PREX1: variants seen among roughly 807,000 people sequenced by gnomAD.
PREX1 encodes phosphatidylinositol 3,4,5-trisphosphate-dependent Rac exchanger 1 protein.
Under a neutral mutation model 198.3 loss-of-function variants are expected in PREX1, and 41 were observed. The observed-to-expected ratio is 0.21, with a 90% CI of 0.16 to 0.27. The LOEUF (loss-of-function observed/expected upper bound fraction) is 0.27. Among genes scored for constraint, PREX1 ranks in the 10% least tolerant of loss-of-function variants. PREX1 has a pLI of 1.00. For synonymous variants in PREX1, 843 were observed against 887.2 expected (o/e 0.95, Z 0.89); for missense variants, 1,620 against 2,200.7 (o/e 0.74, Z 5.28).
rs1225369937 is a variant in PREX1, at chr20:48,653,386, A to G, written c.2321T>C (p.Phe774Ser). 6.2e-7 allele frequency: 1 copy of G among 1,613,706 alleles called. No individual in the cohort carries two copies. The highest frequency in any genetic ancestry group is 8.5e-7 in the Non-Finnish European group (1 of 1,179,782). The change falls in exon 20 of 40, where the codon TTC (phenylalanine) becomes TCC (serine). Residue 774 changes from phenylalanine to serine, a missense_variant. Coordinates refer to ENST00000371941, the MANE Select transcript of PREX1 (RefSeq NM_020820.4). Reference protein sequence around the residue: ...APEVLEHFQAFRSRREEALGL... With the variant: ...APEVLEHFQASRSRREEALGL... ...CAGGGCCTCTTCGCGCCGACTCCGG[A>G]ATGCCTGGAAGTGCTCCAGGACCTC...
intron 1 of PREX1, among the ~76,000 whole-genome samples, chr20:48,757,294 C>T (rs532353938): frequency 5.7e-4 from 87 of 152,344 alleles, no homozygotes; most frequent in African/African-American, 1.9e-3. Context: ...GTGTCCCCTA[C>T]AAAGTCAGTC....
At chr20:48,668,777 G>A (rs1212249536) in intron 14 of PREX1, among the ~76,000 whole-genome samples, 4 of 152,210 alleles carry the variant, frequency 2.6e-5, no homozygotes, top group Non-Finnish European at 5.9e-5. Flanking sequence ...CAGGGGTGGT[G>A]GCTATGAGAG....
At chr20:48,626,288 T>C (rs1278179566) in intron 39 of PREX1, among the ~76,000 whole-genome samples, 1 of 152,166 alleles carries the variant, frequency 6.6e-6, no homozygotes, top group Non-Finnish European at 1.5e-5. Context: ...AAACTCTATA[T>C]GCAGAGATGG....
chr20:48,755,639 G>C (rs780783693), intron 1 of PREX1, among the ~76,000 whole-genome samples: 2 of 152,208 alleles, frequency 1.3e-5, no homozygotes, highest in African/African-American at 2.4e-5. Context: ...GGGGAAAACA[G>C]AGCAGCATTC....
chr20:48,809,429 C>T (rs753076182), intron 1 of PREX1, among the ~76,000 whole-genome samples: 1 of 152,226 alleles, frequency 6.6e-6, no homozygotes, highest in South Asian at 2.1e-4. Context: ...ACTCCTCCCC[C>T]ACTACCATGT....
rs1212386751 is a variant in PREX1, at chr20:48,639,907, A to T, written c.3776-13T>A. 1 of 1,613,724 alleles carries T rather than the reference A, an allele frequency of 6.2e-7. No homozygotes were observed. Among genetic ancestry groups the T allele is most frequent in the Non-Finnish European group, 8.5e-7 (1 of 1,179,726 alleles). On this transcript the variant is annotated splice_polypyrimidine_tract_variant and intron_variant, in intron 29 of 39. Transcript: ENST00000371941. ...TTCTGTTTAAACTCTGGGGCAGGAA[A>T]GTGGCATGAGGGCCAGGGAAGGGAC...
At chr20:48,869,301 G>C in the PREX1 span, among the ~76,000 whole-genome samples, 1 of 67,572 alleles carries the variant, frequency 1.5e-5, no homozygotes, top group South Asian at 4.7e-4. Flanking sequence ...TGTTTTTGTT[G>C]TTTTGTTTTT....
At chr20:48,810,894 A>AT (rs1568650428) in intron 1 of PREX1, among the ~76,000 whole-genome samples, 3 of 152,106 alleles carry the variant, frequency 2.0e-5, no homozygotes, top group Non-Finnish European at 4.4e-5. Flanking sequence ...CCTCAAAAAA[A>AT]AAATAATAAT....
intron 4 of PREX1, among the ~76,000 whole-genome samples, chr20:48,727,690 T>C (rs973182723): frequency 2.0e-5 from 3 of 152,118 alleles, no homozygotes; most frequent in African/African-American, 7.2e-5. Flanking sequence ...CCAGGCGGGT[T>C]GACACCGAGT....
Position 48,708,282 on chromosome 20 carries a change from T to C in PREX1, c.761A>G (p.Gln254Arg), listed in dbSNP as rs1222249899. ...CACCTCCCAGCCTTCGATGTGGGACTGCAGCTGCTCCAGGGCTTCCAGCTT... is the reference window on the plus strand; with the variant it reads ...CACCTCCCAGCCTTCGATGTGGGACCGCAGCTGCTCCAGGGCTTCCAGCTT... ...MEKLEALEQLQSHIEGWEGSN... is the reference protein window; with the variant it reads ...MEKLEALEQLRSHIEGWEGSN... Residue 254 changes from glutamine (Q) to arginine (R), a missense_variant, in exon 6 of 40, where the codon CAG (glutamine) becomes CGG (arginine). Transcript: ENST00000371941. 1 of 1,613,960 alleles carries C rather than the reference T, an allele frequency of 6.2e-7. No individual in the cohort carries two copies. The highest frequency in any genetic ancestry group is 8.5e-7 in the Non-Finnish European group (1 of 1,180,028).
intron 1 of PREX1, among the ~76,000 whole-genome samples, chr20:48,811,363 T>C (rs1294508928): frequency 6.6e-6 from 1 of 152,086 alleles, no homozygotes; most frequent in Non-Finnish European, 1.5e-5. Flanking sequence ...AAAACCCACA[T>C]ATGAGCCTAA....
chr20:48,765,623 AGAG>A (rs2090204672), intron 1 of PREX1, among the ~76,000 whole-genome samples: 1 of 152,236 alleles, frequency 6.6e-6, no homozygotes. Context: ...AAAGTCATGC[AGAG>A]GAGGAGGACG....
the PREX1 span, among the ~76,000 whole-genome samples, chr20:48,879,607 C>A: frequency 6.6e-6 from 1 of 152,200 alleles, no homozygotes. Context: ...AATATCACCT[C>A]TGGGTACATC....
chr20:48,840,711 GGCACA>G, the PREX1 span, among the ~76,000 whole-genome samples: 2 of 152,198 alleles, frequency 1.3e-5, no homozygotes, highest in African/African-American at 4.8e-5. Flanking sequence ...CATTGTTTTT[GGCACA>G]GCCTTTAAGG....
intron 17 of PREX1, 121 bp from the exon 18 acceptor site, chr20:48,657,309 G>A (rs2089552656): frequency 8.2e-7 from 1 of 1,217,694 alleles, no homozygotes; most frequent in African/African-American, 1.5e-5. Context: ...AGCAGGACTG[G>A]GTGACTGCGT....
intron 3 of PREX1, among the ~76,000 whole-genome samples, chr20:48,744,584 T>C (rs2090099213): frequency 6.6e-6 from 1 of 152,244 alleles, no homozygotes; most frequent in African/African-American, 2.4e-5. Flanking sequence ...TCAGCCTCTC[T>C]GACCAACAGC....
At chr20:48,764,340 A>T (rs1601121488) in intron 1 of PREX1, among the ~76,000 whole-genome samples, 1 of 152,156 alleles carries the variant, frequency 6.6e-6, no homozygotes, top group East Asian at 1.9e-4. Context: ...TCCCTCAAAG[A>T]CGTCCACATA....
intron 1 of PREX1, among the ~76,000 whole-genome samples, chr20:48,799,876 T>G (rs1245897782): frequency 6.6e-6 from 1 of 152,110 alleles, no homozygotes; most frequent in African/African-American, 2.4e-5. Flanking sequence ...GCTGGGCACC[T>G]CCACCCATCC....
chr20:48,787,747 A>G (rs1601136273), intron 1 of PREX1, among the ~76,000 whole-genome samples: 1 of 152,350 alleles, frequency 6.6e-6, no homozygotes, highest in Middle Eastern at 3.4e-3. Flanking sequence ...AAATGTTCTG[A>G]AAAGAAAAAA....
Sources: gnomAD v4.1 joint callset for allele counts (sites outside exome capture counted in the v4.1 genomes callset) on GRCh38, gnomAD v4.1.1 for gene constraint, MANE v1.5 for transcripts, NCBI Gene and HGNC (gene_info 2026-07-23, HGNC 2026-07-21) for gene names.